Variants in DPP6 observed in about 807,000 individuals in gnomAD.
DPP6 encodes A-type potassium channel modulatory protein DPP6.
In DPP6, 69 loss-of-function variants were observed where a neutral mutation model predicts 122.6. The observed-to-expected ratio is 0.56, with a 90% confidence interval of 0.46 to 0.69. DPP6 has a LOEUF of 0.69. Among genes scored for constraint, DPP6 ranks in the 30% least tolerant of loss-of-function variants. The probability of loss-of-function intolerance (pLI) is 0.00; values close to 1 mark genes in which losing one functional copy is unlikely to be tolerated. For synonymous variants in DPP6, 418 were observed against 433.1 expected, an observed-to-expected ratio of 0.97 and a Z score of 0.43; for missense variants, 928 against 1,116.9, an observed-to-expected ratio of 0.83 and a Z score of 2.41.
intron 5 of DPP6, among the ~76,000 whole-genome samples, chr7:154,580,008 A>G (rs1301158356): frequency 1.2e-4 from 18 of 152,138 alleles, no homozygotes; most frequent in African/African-American, 4.3e-4. Flanking sequence ...ATCAGACACC[A>G]CATCTCCCAA....
intron 1 of DPP6, among the ~76,000 whole-genome samples, chr7:154,211,357 G>A (rs1799731885): frequency 6.6e-6 from 1 of 152,152 alleles, no homozygotes; most frequent in Admixed American, 6.5e-5. Context: ...AAACCTGCCA[G>A]GAGGATTCCA....
chr7:154,709,096 A>G (rs374432768), intron 7 of DPP6, among the ~76,000 whole-genome samples: 4 of 152,320 alleles, frequency 2.6e-5, no homozygotes, highest in South Asian at 2.1e-4. Flanking sequence ...CCTAATATAA[A>G]TTAACCATTA....
At chr7:153,837,650 A>G in the DPP6 span, among the ~76,000 whole-genome samples, 1 of 152,018 alleles carries the variant, frequency 6.6e-6, no homozygotes, top group African/African-American at 2.4e-5. Context: ...GGTAACATCA[A>G]ATAACAATGC....
intron 1 of DPP6, among the ~76,000 whole-genome samples, chr7:153,915,947 A>G (rs1379186249): frequency 4.2e-4 from 2 of 4,810 alleles, no homozygotes; most frequent in South Asian, 0.011. Context: ...TCTGATTTTT[A>G]TTTATTTATT....
At chr7:154,588,231 G>A (rs1043587098) in intron 5 of DPP6, 1 of 1,376,306 alleles carries the variant, frequency 7.3e-7, no homozygotes, top group Non-Finnish European at 9.6e-7. Flanking sequence ...GAGGGAGGGA[G>A]GGACCCTCCA....
chr7:154,693,828 A>C (rs1199766281), intron 7 of DPP6, among the ~76,000 whole-genome samples: 2 of 152,118 alleles, frequency 1.3e-5, no homozygotes, highest in Non-Finnish European at 2.9e-5. Flanking sequence ...ATGAGTCTAG[A>C]AGGCCTGGAA....
intron 2 of DPP6, among the ~76,000 whole-genome samples, chr7:154,455,197 A>G (rs1820721629): frequency 6.6e-6 from 1 of 152,172 alleles, no homozygotes; most frequent in African/African-American, 2.4e-5. Context: ...CATGGAGGAA[A>G]TAGTTTTCTG....
chr7:153,863,968 T>G, the DPP6 span, among the ~76,000 whole-genome samples: 1 of 152,256 alleles, frequency 6.6e-6, no homozygotes, highest in Non-Finnish European at 1.5e-5. Flanking sequence ...ATTTTGTTTA[T>G]CCGTTCATTA....
At chr7:154,584,724 T>G (rs555523789) in intron 5 of DPP6, among the ~76,000 whole-genome samples, 1 of 152,296 alleles carries the variant, frequency 6.6e-6, no homozygotes, top group Non-Finnish European at 1.5e-5. Context: ...CCAGAGACTT[T>G]CATACTAAGG....
At chr7:153,773,613 G>C in the DPP6 span, among the ~76,000 whole-genome samples, 1 of 120,186 alleles carries the variant, frequency 8.3e-6, no homozygotes, top group Non-Finnish European at 1.9e-5. Context: ...TAAATAACCT[G>C]CATGTCAAAA....
intron 1 of DPP6, among the ~76,000 whole-genome samples, chr7:154,183,686 C>CACA (rs1432676246): frequency 2.0e-5 from 3 of 152,176 alleles, no homozygotes; most frequent in African/African-American, 7.2e-5. Context: ...TCAAGGAACC[C>CACA]ACAGCCTCAT....
chr7:154,887,597 G>A (rs1327835703), intron 22 of DPP6, 79 bp from the exon 23 acceptor site: 9 of 1,456,368 alleles, frequency 6.2e-6, no homozygotes, highest in Admixed American at 5.0e-5. Context: ...CCCGGTCCAG[G>A]GCCCTCCCTA....
intron 4 of DPP6, among the ~76,000 whole-genome samples, chr7:154,550,820 G>A (rs1215512224): frequency 6.8e-6 from 1 of 148,004 alleles, no homozygotes; most frequent in African/African-American, 2.5e-5. Context: ...GCGCGATCTC[G>A]GCTCACTGCA....
intron 1 of DPP6, among the ~76,000 whole-genome samples, chr7:154,147,202 G>A (rs983740153): frequency 6.6e-6 from 1 of 152,088 alleles, no homozygotes; most frequent in East Asian, 1.9e-4. Flanking sequence ...GGGGTCCCAG[G>A]CAAAAGTGAG....
intron 7 of DPP6, among the ~76,000 whole-genome samples, chr7:154,673,881 CTTTT>C: frequency 7.0e-6 from 1 of 143,702 alleles, no homozygotes. Flanking sequence ...ATGTTTCTTT[CTTTT>C]TTTTTTTTTT....
In DPP6 at chr7:154,311,499, C is replaced by A. The variant is rs865959187; in HGVS notation, c.244-134715C>A. Among the ~76,000 whole-genome samples the A allele has an allele frequency of 6.8e-3, 912 of 133,198 alleles. 12 individuals are homozygous for A. Among genetic ancestry groups the A allele is most frequent in the African/African-American group, 0.022 (810 of 37,398 alleles). 87.4% of individuals were successfully genotyped at this position (133,198 alleles called of 152,430 possible). A position where few individuals can be genotyped will look rare whatever the true frequency, so the allele number is the denominator to read the frequency against. On this transcript the variant is annotated intron_variant, in intron 1 of 25. Transcript: ENST00000377770. ...GCAATGGAGTGAAACCCTGTCTCCA[C>A]AAAAAAAAAAAAGAAAAAGAAAAAG...
chr7:154,153,342 T>C (rs1796519640), intron 1 of DPP6, among the ~76,000 whole-genome samples: 3 of 152,102 alleles, frequency 2.0e-5, no homozygotes, highest in African/African-American at 7.2e-5. Flanking sequence ...TGCACCACCA[T>C]GCCCAGCTAA....
the DPP6 span, among the ~76,000 whole-genome samples, chr7:153,799,119 T>G: frequency 1.3e-5 from 2 of 152,152 alleles, no homozygotes; most frequent in Admixed American, 1.3e-4. Flanking sequence ...GACCCCTGCT[T>G]TAGGGCATGA....
chr7:154,375,827 A>AT (rs1173050558), intron 1 of DPP6, among the ~76,000 whole-genome samples: 3 of 152,202 alleles, frequency 2.0e-5, no homozygotes, highest in African/African-American at 7.2e-5. Context: ...GTGACCTCTC[A>AT]AGACCTTTCT....
Sources: gnomAD v4.1 joint callset for allele counts (sites outside exome capture counted in the v4.1 genomes callset) on GRCh38, gnomAD v4.1.1 for gene constraint, MANE v1.5 for transcripts, NCBI Gene and HGNC (gene_info 2026-07-23, HGNC 2026-07-21) for gene names.